WDR62: variants seen among roughly 807,000 people sequenced by gnomAD.
The protein encoded by WDR62 is WD repeat-containing protein 62.
A neutral mutation model predicts 160.6 loss-of-function variants in WDR62; 112 were observed. The ratio of observed to expected loss-of-function variants is 0.70; its 90% CI spans 0.60 to 0.82. The LOEUF is 0.82. Ranked by LOEUF, WDR62 falls within the 40% of genes least tolerant of loss-of-function variation. The pLI is 0.00. For missense variants in WDR62, 1,819 were observed against 1,983.8 expected (o/e 0.92, Z 1.58); for synonymous variants, 792 against 815.1 (o/e 0.97, Z 0.48).
chr19:36,056,817 T>C lies in WDR62; in HGVS notation c.177+1669T>C, dbSNP rs905315986. 4.6e-5 allele frequency among the ~76,000 whole-genome samples: 7 copies of C among 151,728 alleles called. 1 individual carries two copies. Among genetic ancestry groups the C allele is most frequent in the East Asian group, 1.9e-4 (1 of 5,194 alleles). ...TGAACTTCGCTTTTTCTTTTCTTTT[T>C]TTTTTTTTTTGAGATGGGGTCTTAC... On this transcript the variant is annotated intron_variant, in intron 1 of 31. Coordinates refer to ENST00000401500, the MANE Select transcript of WDR62 (RefSeq NM_001083961.2).
intron 3 of WDR62, chr19:36,061,647 A>C (rs1013198247): frequency 1.3e-5 from 2 of 152,078 alleles, no homozygotes; most frequent in Admixed American, 6.6e-5. Context: ...GGTGGCCTGG[A>C]TCTATAGTAG....
At position 36,086,778 on chromosome 19, in the gene WDR62, C is replaced by G; in HGVS notation, c.1734C>G (p.Asp578Glu). 6.2e-7 allele frequency: 1 copy of G among 1,609,758 alleles called. No homozygotes were observed. Among genetic ancestry groups the G allele is most frequent in the African/African-American group, 1.3e-5 (1 of 74,926 alleles). The change falls in exon 13 of 32, where the codon GAC (aspartate) becomes GAG (glutamate). Residue 578 changes from aspartate to glutamate, a missense_variant. This residue lies in a region of WDR62 where 934 missense variants were observed against 1,157.2 expected (regional missense o/e 0.81). Transcript: ENST00000401500. Reference protein sequence around the residue: ...KNYNLEQTLDDHSSSITAIKF... With the variant: ...KNYNLEQTLDEHSSSITAIKF... The stretch of plus-strand genomic sequence containing the variant: ...ACAACCTGGAGCAGACGCTGGATGA[C>G]CACTCCTCCTCCATCACCGCCATCA...
At chr19:36,066,455 A>T (rs751858021) in intron 5 of WDR62, 28 bp downstream of exon 5, 6 of 1,569,846 alleles carry the variant, frequency 3.8e-6, no homozygotes, top group Non-Finnish European at 5.2e-6. Flanking sequence ...GGCCTGTGGC[A>T]GGCAGCCAGC....
chr19:36,102,606 C>T, intron 26 of WDR62, 131 bp from the exon 27 acceptor site: 1 of 742,192 alleles, frequency 1.3e-6, no homozygotes, highest in Non-Finnish European at 2.3e-6. Flanking sequence ...TCCTCACCCA[C>T]TGCCCCTGCT....
At chr19:36,089,425 G>A in intron 15 of WDR62, 119 bp downstream of exon 15, 1 of 1,540,564 alleles carries the variant, frequency 6.5e-7, no homozygotes, top group Non-Finnish European at 8.9e-7. Flanking sequence ...GACCCAGCAG[G>A]TGTTCCTTCT....
chr19:36,065,279 A>C (rs1479642545), intron 3 of WDR62, among the ~76,000 whole-genome samples: 2 of 152,170 alleles, frequency 1.3e-5, no homozygotes, highest in Non-Finnish European at 2.9e-5. Flanking sequence ...ACATTTACTT[A>C]GTTATCTACA....
chr19:36,073,492 G>A lies in WDR62; in HGVS notation c.1194G>A (p.Trp398Ter), dbSNP rs769137869. The change falls in exon 9 of 32, where the codon TGG (tryptophan) becomes TGA (stop). Residue 398 changes from tryptophan (W) to a stop codon, truncating the protein, a stop_gained. Coordinates refer to ENST00000401500, the MANE Select transcript of WDR62 (RefSeq NM_001083961.2). LOFTEE classifies it high-confidence loss of function. ...ACATCAACAGAGTGGGCAAGGTGTGGTCAGAGCTCTTCCACAGCTCCTACG... is the reference window on the plus strand; with the variant it reads ...ACATCAACAGAGTGGGCAAGGTGTGATCAGAGCTCTTCCACAGCTCCTACG... ...VKDINRVGKVWSELFHSSYVW... is the reference protein window; with the variant it reads ...VKDINRVGKV 5 of 1,614,062 alleles carry A rather than the reference G, an allele frequency of 3.1e-6. No individual in the cohort carries two copies. In the South Asian group the frequency reaches 3.3e-5, roughly 11 times the overall value.
intron 29 of WDR62, 27 bp downstream of exon 29, chr19:36,103,234 G>C (rs1197450826): frequency 6.2e-7 from 1 of 1,612,980 alleles, no homozygotes; most frequent in Admixed American, 1.7e-5. Flanking sequence ...CAGACGGACA[G>C]TCCTGGGTTT....
intron 3 of WDR62, among the ~76,000 whole-genome samples, chr19:36,062,840 C>G (rs762963151): frequency 1.7e-4 from 26 of 152,094 alleles, no homozygotes; most frequent in Non-Finnish European, 3.8e-4. Flanking sequence ...CATGAATGTC[C>G]TTTATGGCCA....
intron 3 of WDR62, among the ~76,000 whole-genome samples, chr19:36,064,990 A>G (rs1970859118): frequency 6.6e-6 from 1 of 152,072 alleles, no homozygotes; most frequent in East Asian, 1.9e-4. Context: ...TCAGGAGGGG[A>G]ACTGGTAGGA....
chr19:36,104,281 A>T (rs1973596772), intron 30 of WDR62, among the ~76,000 whole-genome samples: 1 of 152,100 alleles, frequency 6.6e-6, no homozygotes, highest in South Asian at 2.1e-4. Context: ...GGGACAGAGG[A>T]GGGCGAGGGA....
chr19:36,094,705 C>CATA (rs1009709482), intron 20 of WDR62, among the ~76,000 whole-genome samples: 21 of 151,108 alleles, frequency 1.4e-4, no homozygotes, highest in African/African-American at 5.1e-4. Flanking sequence ...GCCTGGGCAA[C>CATA]ATAGCGAGAG....
intron 1 of WDR62, among the ~76,000 whole-genome samples, chr19:36,057,833 A>G (rs1970445747): frequency 6.6e-6 from 1 of 152,188 alleles, no homozygotes; most frequent in African/African-American, 2.4e-5. Flanking sequence ...AAATTTCTGG[A>G]CTGTGAATCT....
At position 36,103,836 on chromosome 19, in the gene WDR62, C is replaced by T. The variant is rs552385831; in HGVS notation, c.4008C>T (p.Ala1336=). 2 of 1,605,864 alleles carry T rather than the reference C, an allele frequency of 1.2e-6. No individual in the cohort carries two copies. Among genetic ancestry groups the T allele is most frequent in the African/African-American group, 1.3e-5 (1 of 75,044 alleles). ...CCCCTAGCCCTGTGGAAGAGAGCGC[C>T]CTGAGGCTCCACGGCTCTGCCTTTC... ...FPAPSPVEES[A]LRLHGSAFRP... Residue 1336 remains alanine (A), a synonymous_variant, in exon 30 of 32, where the codon GCC becomes GCT. Coordinates refer to ENST00000401500, the MANE Select transcript of WDR62 (RefSeq NM_001083961.2).
At position 36,071,182 on chromosome 19, in the gene WDR62, C is replaced by T. The variant is rs138847692; in HGVS notation, c.883-374C>T. ...TTGTGCCATTGCACTCCAGCCTGGGCGCAACAAAAAACTCTATCTCAAAAA... is the reference window on the plus strand; with the variant it reads ...TTGTGCCATTGCACTCCAGCCTGGGTGCAACAAAAAACTCTATCTCAAAAA... On this transcript the variant is annotated intron_variant, in intron 7 of 31. Coordinates refer to ENST00000401500, the MANE Select transcript of WDR62 (RefSeq NM_001083961.2). 9.7e-4 allele frequency: 249 copies of T among 256,072 alleles called. 4 individuals are homozygous for T. The East Asian group carries it at 0.022, about 22-fold the overall frequency. 15.9% of individuals were successfully genotyped at this position (256,072 alleles called of 1,614,324 possible).
At chr19:36,068,502 C>T (rs909256208) in intron 7 of WDR62, among the ~76,000 whole-genome samples, 2 of 152,168 alleles carry the variant, frequency 1.3e-5, no homozygotes, top group Non-Finnish European at 2.9e-5. Flanking sequence ...GAGGACCCTG[C>T]GGGCTTCCGC....
At chr19:36,081,846 C>T (rs984486594) in intron 10 of WDR62, 29 of 581,944 alleles carry the variant, frequency 5.0e-5, no homozygotes, top group African/African-American at 4.8e-4. Flanking sequence ...CAGCCCAACA[C>T]ACCCAGCCCA....
chr19:36,103,132 C>A, intron 28 of WDR62, 24 bp from the exon 29 acceptor site: 1 of 1,614,048 alleles, frequency 6.2e-7, no homozygotes, highest in Non-Finnish European at 8.5e-7. Context: ...AGGCCTTGTC[C>A]TCACCTCAGA....
chr19:36,073,546 C>CA lies in WDR62; in HGVS notation c.1233+16dup, dbSNP rs1555714571. 4.6e-6 allele frequency: 7 copies of CA among 1,521,242 alleles called. No homozygotes were observed. Among genetic ancestry groups the CA allele is most frequent in the East Asian group, 4.6e-5 (2 of 43,012 alleles). 94.2% of individuals were successfully genotyped at this position (1,521,242 alleles called of 1,614,324 possible). A position where few individuals can be genotyped will look rare whatever the true frequency, so the allele number is the denominator to read the frequency against. On this transcript the variant is annotated intron_variant, in intron 9 of 31. Transcript: ENST00000401500. ...GGAACGTGGAGGTGAGCCCCCCCCCCACCCCCTTGCCCCTGCTTGGCCTCT... is the reference window on the plus strand; with the variant it reads ...GGAACGTGGAGGTGAGCCCCCCCCCCAACCCCCTTGCCCCTGCTTGGCCTCT...
Sources: allele counts gnomAD v4.1 joint callset (sites outside exome capture counted in the v4.1 genomes callset), GRCh38; gene constraint gnomAD v4.1.1; regional missense constraint gnomAD v4.1.1; transcripts MANE v1.5; gene names NCBI Gene and HGNC (gene_info 2026-07-23, HGNC 2026-07-21).